GRB10: variants seen among roughly 807,000 people sequenced by gnomAD.
The protein encoded by GRB10 is growth factor receptor-bound protein 10.
In GRB10, 20 loss-of-function variants were observed where a neutral mutation model predicts 80.9. That is an observed-to-expected ratio of 0.25 (90% CI 0.17 to 0.36). GRB10 has a LOEUF of 0.36. Among genes scored for constraint, GRB10 ranks in the 10% least tolerant of loss-of-function variants. The pLI, the probability that GRB10 is intolerant of heterozygous loss-of-function variation, is 1.00. For missense variants in GRB10, 548 were observed against 747.7 expected (o/e 0.73, Z 3.12); for synonymous variants, 291 against 291.5 (o/e 1.00, Z 0.02).
chr7:50,684,006 C>T (rs2061824924), intron 5 of GRB10, among the ~76,000 whole-genome samples: 1 of 152,154 alleles, frequency 6.6e-6, no homozygotes, highest in Admixed American at 6.6e-5. Context: ...TGCTTCCCCA[C>T]CAATCCTGCA....
At chr7:50,706,852 T>C (rs13237668) in intron 4 of GRB10, among the ~76,000 whole-genome samples, 2,968 of 152,290 alleles carry the variant, frequency 0.019, 113 homozygotes, top group African/African-American at 0.068. Flanking sequence ...CTGTTTATGA[T>C]GGAAAACAAG....
intron 4 of GRB10, among the ~76,000 whole-genome samples, chr7:50,711,175 TAAA>T (rs60661876): frequency 9.8e-5 from 14 of 143,280 alleles, no homozygotes; most frequent in Non-Finnish European, 7.6e-5. Context: ...CCAACCAAAT[TAAA>T]AAAAAAAAAA....
At chr7:50,630,861 G>A (rs910047510) in intron 7 of GRB10, among the ~76,000 whole-genome samples, 6 of 152,188 alleles carry the variant, frequency 3.9e-5, no homozygotes, top group African/African-American at 4.8e-5. Context: ...TAAAAGCCCT[G>A]AAGTGCTAAT....
At chr7:50,748,419 G>A (rs2073406579) in intron 3 of GRB10, among the ~76,000 whole-genome samples, 1 of 152,202 alleles carries the variant, frequency 6.6e-6, no homozygotes, top group Non-Finnish European at 1.5e-5. Context: ...GCTGAGCTCG[G>A]GAAAGTGTTG....
chr7:50,661,505 C>T (rs1326711624), intron 7 of GRB10, among the ~76,000 whole-genome samples: 1 of 152,164 alleles, frequency 6.6e-6, no homozygotes, highest in Non-Finnish European at 1.5e-5. Flanking sequence ...TCAAAGTGCC[C>T]ACTGAGCTTG....
At chr7:50,731,159 G>A (rs562458691) in intron 4 of GRB10, among the ~76,000 whole-genome samples, 2 of 152,218 alleles carry the variant, frequency 1.3e-5, no homozygotes, top group East Asian at 3.9e-4. Flanking sequence ...CAGACTCAGG[G>A]GTCACCACCA....
intron 7 of GRB10, among the ~76,000 whole-genome samples, chr7:50,663,820 G>A (rs1211566661): frequency 6.6e-6 from 1 of 152,226 alleles, no homozygotes. Context: ...GAAAGCCCCT[G>A]GCATGCCAGG....
intron 2 of GRB10, among the ~76,000 whole-genome samples, chr7:50,758,644 T>G (rs1317923229): frequency 1.3e-5 from 2 of 152,152 alleles, no homozygotes; most frequent in Non-Finnish European, 2.9e-5. Context: ...AGCTCTGGAG[T>G]GAAGTCTAGG....
Position 50,592,712 on chromosome 7 carries a change from A to C in GRB10, c.*240T>G. On this transcript the variant is annotated 3_prime_UTR_variant, in exon 19 of 19. Coordinates refer to ENST00000401949, the MANE Select transcript of GRB10 (RefSeq NM_001350814.2). ...CAGTTTATTTTCAACTTTCCGCTGG[A>C]TCTTCCATGCCCTCCCCAATTTGGC... 1.8e-6 allele frequency: 1 copy of C among 560,582 alleles called. No homozygotes were observed. The highest frequency in any genetic ancestry group is 2.0e-5 in the South Asian group (1 of 48,992). 34.7% of individuals were successfully genotyped at this position (560,582 alleles called of 1,614,324 possible).
At chr7:50,644,356 G>T (rs2056808716) in intron 7 of GRB10, among the ~76,000 whole-genome samples, 1 of 151,904 alleles carries the variant, frequency 6.6e-6, no homozygotes, top group African/African-American at 2.4e-5. Context: ...TTATTTGGTG[G>T]CTATGTGATG....
Position 50,590,724 on chromosome 7 carries a change from G to A in GRB10, c.*2228C>T, listed in dbSNP as rs957512374. 1 of 152,630 alleles carries A rather than the reference G, an allele frequency of 6.6e-6. No homozygotes were observed. The highest frequency in any genetic ancestry group is 2.4e-5 in the African/African-American group (1 of 41,450). 9.5% of individuals were successfully genotyped at this position (152,630 alleles called of 1,614,324 possible). On this transcript the variant is annotated 3_prime_UTR_variant, in exon 19 of 19. Coordinates refer to ENST00000401949, the MANE Select transcript of GRB10 (RefSeq NM_001350814.2). ...GGTGGAATTCCCAGCCGCCCAGCGC[G>A]AGGCCAGCGAGCTGGGGCCTTAGGA...
intron 3 of GRB10, among the ~76,000 whole-genome samples, chr7:50,741,558 A>C (rs922800365): frequency 2.6e-5 from 4 of 151,032 alleles, no homozygotes; most frequent in South Asian, 4.1e-4. Flanking sequence ...GTTTAAAAAA[A>C]AAAAAAAAAA....
At chr7:50,713,647 A>T (rs1320755627) in intron 4 of GRB10, among the ~76,000 whole-genome samples, 1 of 63,460 alleles carries the variant, frequency 1.6e-5, no homozygotes, top group Non-Finnish European at 3.2e-5. Flanking sequence ...CACCTCCCCC[A>T]TCACCTCCAC....
chr7:50,749,825 C>T (rs1240461902), intron 3 of GRB10, among the ~76,000 whole-genome samples: 1 of 152,186 alleles, frequency 6.6e-6, no homozygotes, highest in African/African-American at 2.4e-5. Context: ...CGTCTTTGGG[C>T]CCACAGCTCT....
chr7:50,686,904 T>C (rs1197539528), intron 5 of GRB10, among the ~76,000 whole-genome samples: 6 of 152,228 alleles, frequency 3.9e-5, no homozygotes, highest in Non-Finnish European at 7.3e-5. Context: ...TTTAGTTTTT[T>C]CCTCACTAAA....
rs1208590197 is a variant in GRB10, at chr7:50,590,783, CCAA to C, written c.*2166_*2168del. 5 of 152,432 alleles carry C rather than the reference CCAA, an allele frequency of 3.3e-5. No homozygotes were observed. Among genetic ancestry groups the C allele is most frequent in the Non-Finnish European group, 5.9e-5 (4 of 68,048 alleles). The allele number at this position is 152,432 out of a possible 1,614,324, so 9.4% of individuals were successfully genotyped here. On this transcript the variant is annotated 3_prime_UTR_variant, in exon 19 of 19. Transcript: ENST00000401949. ...GCCACGTGGAGGCGGTTTACATTCT[CCAA>C]CAATTCACTTCGGCAGGGAAAATAC...
intron 2 of GRB10, among the ~76,000 whole-genome samples, chr7:50,760,998 G>T (rs1396291212): frequency 6.6e-6 from 1 of 152,218 alleles, no homozygotes; most frequent in African/African-American, 2.4e-5. Flanking sequence ...AGATCAAATT[G>T]AAGGAAGTAA....
chr7:50,762,333 TAAAAA>T (rs1032162792), intron 2 of GRB10, among the ~76,000 whole-genome samples: 1 of 148,682 alleles, frequency 6.7e-6, no homozygotes, highest in African/African-American at 2.5e-5. Context: ...TTGAAGAAAA[TAAAAA>T]ATTTTTGAGG....
chr7:50,630,761 A>C (rs2053850840), intron 7 of GRB10, among the ~76,000 whole-genome samples: 1 of 152,242 alleles, frequency 6.6e-6, no homozygotes, highest in Admixed American at 6.5e-5. Context: ...TGTCAACAGC[A>C]TGAAACTCTG....
Sources: gnomAD v4.1 joint callset for allele counts (sites outside exome capture counted in the v4.1 genomes callset) on GRCh38, gnomAD v4.1.1 for gene constraint, MANE v1.5 for transcripts, NCBI Gene and HGNC (gene_info 2026-07-23, HGNC 2026-07-21) for gene names.